The following NOTCH2 variants were observed in gnomAD, a reference collection of about 807,000 sequenced individuals.
NOTCH2 encodes neurogenic locus notch homolog protein 2.
NOTCH2 carries 29 observed loss-of-function variants against 235.8 expected under a neutral mutation model. The ratio of observed to expected loss-of-function variants is 0.12; its 90% CI spans 0.09 to 0.17. The LOEUF (loss-of-function observed/expected upper bound fraction) is 0.17. Ranked by LOEUF, NOTCH2 falls within the 10% of genes least tolerant of loss-of-function variation. The pLI is 1.00. For synonymous variants in NOTCH2, 1,086 were observed against 1,141.5 expected, an observed-to-expected ratio of 0.95 and a Z score of 0.98; for missense variants, 2,285 against 3,150.2, an observed-to-expected ratio of 0.73 and a Z score of 6.57.
intron 22 of NOTCH2, among the ~76,000 whole-genome samples, chr1:119,929,711 C>T (rs144755616): frequency 6.6e-6 from 1 of 152,312 alleles, no homozygotes; most frequent in African/African-American, 2.4e-5. Context: ...ACATCATAGC[C>T]TTGTAATGTC....
chr1:119,979,347 G>C (rs1651722315), intron 5 of NOTCH2, among the ~76,000 whole-genome samples: 1 of 152,206 alleles, frequency 6.6e-6, no homozygotes, highest in Non-Finnish European at 1.5e-5. Flanking sequence ...AGGGAGCCCA[G>C]TGTTACTTAT....
intron 2 of NOTCH2, among the ~76,000 whole-genome samples, chr1:120,024,993 T>C (rs1203966736): frequency 1.3e-5 from 2 of 151,440 alleles, no homozygotes; most frequent in Non-Finnish European, 2.9e-5. Flanking sequence ...GAAACCCACA[T>C]TTACAGTTTT....
rs184502508 is a variant in NOTCH2, at chr1:119,938,953, T to C, written c.3184-943A>G. Among the ~76,000 whole-genome samples, 402 of 152,298 alleles carry C rather than the reference T, an allele frequency of 2.6e-3. 4 individuals are homozygous for C. Among genetic ancestry groups the C allele is most frequent in the African/African-American group, 9.3e-3 (387 of 41,572 alleles). ...CCTCGGCCTCCCAAAGTGCTGGGAT[T>C]ACAGGTGTGAGCCACCGTGCCCGGC... On this transcript the variant is annotated intron_variant, in intron 19 of 33. Transcript: ENST00000256646.
chr1:119,915,764 C>A lies in NOTCH2; in HGVS notation c.6958G>T (p.Gly2320Trp), dbSNP rs376802142. The A allele has an allele frequency of 6.2e-7, 1 of 1,608,222 alleles. No individual in the cohort carries two copies. Among genetic ancestry groups the A allele is most frequent in the Non-Finnish European group, 8.5e-7 (1 of 1,175,868 alleles). The part of the protein sequence containing the change: ...IPKGSIAQPA[G>W]APQPQSTCPP... ...CAGGTGGACTGAGGCTGGGGAGCCC[C>A]CGCTGGTTGGGCAATACTGCCTTTA... Residue 2320 changes from glycine to tryptophan, a missense_variant, in exon 34 of 34, where the codon GGG becomes TGG. Physicochemically the swap from Gly to Trp is radical, Grantham distance 184. Around this residue, in one of 6 missense-constraint regions of NOTCH2, gnomAD observed 504 missense variants for 538.0 expected, o/e 0.94. Transcript: ENST00000256646.
Position 119,986,830 on chromosome 1 carries a change from G to A in NOTCH2, c.874+130C>T, listed in dbSNP as rs939619965. 5 of 1,127,418 alleles carry A rather than the reference G, an allele frequency of 4.4e-6. No individual in the cohort carries two copies. In the African/African-American group the frequency reaches 4.6e-5, roughly 10 times the overall value. The allele number at this position is 1,127,418 out of a possible 1,614,324, so 69.8% of individuals were successfully genotyped here. A position where few individuals can be genotyped will look rare whatever the true frequency, so the allele number is the denominator to read the frequency against. ...ACAATAAGCAATGATCTAGCATGGA[G>A]ATCCTGCTCAGTTCACATACTGGTT... On this transcript the variant is annotated intron_variant, in intron 5 of 33. Transcript: ENST00000256646.
intron 5 of NOTCH2, among the ~76,000 whole-genome samples, chr1:119,970,557 C>A (rs941416668): frequency 1.3e-4 from 20 of 152,174 alleles, no homozygotes; most frequent in African/African-American, 4.8e-4. Context: ...TGAAAAAGAT[C>A]ACACTAAAGG....
rs1031995410 is a variant in NOTCH2 at position 119,917,898 on chromosome 1, A to G, written c.5930-136T>C. On this transcript the variant is annotated intron_variant, in intron 32 of 33. Transcript: ENST00000256646. ...TCTGTAGGGGTCTATAGGAAAAACC[A>G]AAGTAATCTCTTCTTTTTCCTCTGT... The G allele has an allele frequency of 3.7e-5, 26 of 697,124 alleles. No homozygotes were observed. In the African/African-American group the frequency reaches 4.4e-4, roughly 12 times the overall value. 43.2% of individuals were successfully genotyped at this position (697,124 alleles called of 1,614,324 possible).
At chr1:119,928,742 T>C (rs1448341613) in intron 23 of NOTCH2, among the ~76,000 whole-genome samples, 2 of 152,242 alleles carry the variant, frequency 1.3e-5, no homozygotes, top group African/African-American at 4.8e-5. Context: ...TGCCATAGCA[T>C]GATATAATCA....
At position 119,925,596 on chromosome 1, in the gene NOTCH2, G is replaced by A. The variant is rs1395144495; in HGVS notation, c.4220C>T (p.Ser1407Leu). Reference protein sequence around the residue: ...YYSCQCAPPFSGSRCELYTAP... With the variant: ...YYSCQCAPPFLGSRCELYTAP... ...CGTGTAGAGTTCACAGCGGCTACCC[G>A]AGAATGGTGGGGCACACTGGCAGGA... is the stretch of plus-strand genomic sequence containing the variant. The change falls in exon 25 of 34, where the codon TCG becomes TTG. Residue 1407 changes from serine (S) to leucine (L), a missense_variant. Physicochemically the swap from Ser to Leu is moderately radical, Grantham distance 145. This residue lies in a region of NOTCH2 where 1,173 missense variants were observed against 1,515.3 expected (regional missense o/e 0.77). Transcript: ENST00000256646. 5.0e-6 allele frequency: 8 copies of A among 1,614,042 alleles called. No individual in the cohort carries two copies. The highest frequency in any genetic ancestry group is 4.0e-5 in the African/African-American group (3 of 74,914).
chr1:119,948,380 C>T, intron 17 of NOTCH2, 34 bp downstream of exon 17: 1 of 1,613,212 alleles, frequency 6.2e-7, no homozygotes, highest in Non-Finnish European at 8.5e-7. Context: ...TTTTCCTCTC[C>T]TCTGGGGGCT....
chr1:119,933,537 C>A (rs1303101368), intron 22 of NOTCH2, among the ~76,000 whole-genome samples: 1 of 152,066 alleles, frequency 6.6e-6, no homozygotes, highest in Non-Finnish European at 1.5e-5. Flanking sequence ...AAGAAAGAAG[C>A]AATGTATCAC....
At chr1:119,982,514 A>T (rs1316407164) in intron 5 of NOTCH2, among the ~76,000 whole-genome samples, 1 of 152,250 alleles carries the variant, frequency 6.6e-6, no homozygotes, top group Non-Finnish European at 1.5e-5. Flanking sequence ...ACACTGCTCT[A>T]ATAAATTTTG....
At position 119,935,498 on chromosome 1, in the gene NOTCH2, T is replaced by C. The variant is rs1649817791; in HGVS notation, c.3629A>G (p.Lys1210Arg). 6.2e-7 allele frequency: 1 copy of C among 1,614,236 alleles called. No individual in the cohort carries two copies. The highest frequency in any genetic ancestry group is 8.5e-7 in the Non-Finnish European group (1 of 1,180,048). ...CCGAGTGCCTGGTGGGCAAGAGCAC[T>C]TGAAATGGTTCACAAGGTCAATACA... ...GTCIDLVNHF[K>R]CSCPPGTRGL... The change falls in exon 22 of 34, where the codon AAG becomes AGG. Residue 1210 changes from lysine (K) to arginine (R), a missense_variant. Lys to Arg is a conservative substitution (Grantham distance 26). Coordinates refer to ENST00000256646, the MANE Select transcript of NOTCH2 (RefSeq NM_024408.4).
intron 5 of NOTCH2, among the ~76,000 whole-genome samples, chr1:119,979,561 G>C (rs1382938635): frequency 6.6e-6 from 1 of 152,090 alleles, no homozygotes; most frequent in Admixed American, 6.5e-5. Flanking sequence ...TAACTCCTCT[G>C]AAATAAAATT....
chr1:119,949,163 A>C, intron 15 of NOTCH2, 37 bp from the exon 16 acceptor site: 1 of 1,613,626 alleles, frequency 6.2e-7, no homozygotes, highest in African/African-American at 1.3e-5. Flanking sequence ...ACAGATAAAC[A>C]GGTAAGAAAA....
At chr1:119,923,116 T>A (rs1463487445) in intron 26 of NOTCH2, among the ~76,000 whole-genome samples, 3 of 152,210 alleles carry the variant, frequency 2.0e-5, no homozygotes, top group African/African-American at 7.2e-5. Context: ...ACCTACTCAG[T>A]GGTACTTGGT....
At chr1:119,958,926 T>G (rs1332870138) in intron 12 of NOTCH2, among the ~76,000 whole-genome samples, 3 of 152,126 alleles carry the variant, frequency 2.0e-5, no homozygotes, top group Admixed American at 6.5e-5. Flanking sequence ...CATCCAACAA[T>G]ATTTCAGAAG....
intron 24 of NOTCH2, among the ~76,000 whole-genome samples, chr1:119,926,163 C>A (rs1374103222): frequency 6.6e-6 from 1 of 152,228 alleles, no homozygotes; most frequent in African/African-American, 2.4e-5. Context: ...TACCCTCCAG[C>A]CTGGGGCCAA....
rs781827529 is a variant in NOTCH2 at position 119,963,628 on chromosome 1, G to A, written c.1861C>T (p.Arg621Cys). Residue 621 changes from arginine (R) to cysteine (C), a missense_variant, in exon 11 of 34, where the codon CGC becomes TGC. By Grantham distance (180) the Arg-to-Cys change is radical. Coordinates refer to ENST00000256646, the MANE Select transcript of NOTCH2 (RefSeq NM_024408.4). ...TAGCCATTGACCAGGTCAATGCAGC[G>A]ACCATCGTTCAGGCAAGGGCTGCTG... Reference protein sequence around the residue: ...CYSSPCLNDGRCIDLVNGYQC... With the variant: ...CYSSPCLNDGCCIDLVNGYQC... The A allele has an allele frequency of 1.2e-6, 2 of 1,614,098 alleles. No homozygotes were observed. The highest frequency in any genetic ancestry group is 1.7e-6 in the Non-Finnish European group (2 of 1,179,994).
Sources: allele counts gnomAD v4.1 joint callset (sites outside exome capture counted in the v4.1 genomes callset), GRCh38; gene constraint gnomAD v4.1.1; regional missense constraint gnomAD v4.1.1; transcripts MANE v1.5; gene names NCBI Gene and HGNC (gene_info 2026-07-23, HGNC 2026-07-21).